SHROOM3: variants seen among roughly 807,000 people sequenced by gnomAD.
SHROOM3 encodes the protein shroom family member 3.
In SHROOM3, 47 loss-of-function variants were observed where a neutral mutation model predicts 138.6. That is an observed-to-expected ratio of 0.34 (90% CI 0.27 to 0.43). SHROOM3 has a LOEUF of 0.43. Ranked by LOEUF, SHROOM3 falls within the 20% of genes least tolerant of loss-of-function variation. The probability of loss-of-function intolerance (pLI) is 1.00; values close to 1 mark genes in which losing one functional copy is unlikely to be tolerated. For missense variants in SHROOM3, 2,491 were observed against 2,596.5 expected (o/e 0.96, Z 0.88); for synonymous variants, 1,062 against 1,063.3 (o/e 1.00, Z 0.02).
chr4:76,742,752 C>G (rs140576971), intron 5 of SHROOM3, among the ~76,000 whole-genome samples: 1 of 152,272 alleles, frequency 6.6e-6, no homozygotes, highest in African/African-American at 2.4e-5. Context: ...CACTGTAGAC[C>G]AGGGGCCTGC....
intron 2 of SHROOM3, chr4:76,688,721 G>A (rs1488650890): frequency 2.0e-6 from 2 of 985,198 alleles, no homozygotes; most frequent in Non-Finnish European, 2.4e-6. Context: ...AAATGCAAAT[G>A]GATATATTTT....
intron 2 of SHROOM3, among the ~76,000 whole-genome samples, chr4:76,639,062 C>T (rs941012183): frequency 1.3e-5 from 2 of 152,156 alleles, no homozygotes; most frequent in African/African-American, 4.8e-5. Flanking sequence ...GAGAGAATCG[C>T]TATCCCCCAG....
chr4:76,514,359 G>A (rs11737860), intron 1 of SHROOM3, among the ~76,000 whole-genome samples: 44,237 of 152,060 alleles, frequency 0.29, 7,229 homozygotes, highest in African/African-American at 0.43. Flanking sequence ...GCAATGTGGA[G>A]AAACCTTAAA....
chr4:76,709,501 A>T lies in SHROOM3; in HGVS notation c.324-655A>T, dbSNP rs374588756. On this transcript the variant is annotated intron_variant, in intron 2 of 10. Coordinates refer to ENST00000296043, the MANE Select transcript of SHROOM3 (RefSeq NM_020859.4). The stretch of plus-strand genomic sequence containing the variant: ...AACACATTGGCCATGTAGGGCTTAA[A>T]ATTTTTCTCTGACTCCCTGGGAGTA... Among the ~76,000 whole-genome samples, 48 of 152,090 alleles carry T rather than the reference A, an allele frequency of 3.2e-4. 1 individual carries two copies. The highest frequency in any genetic ancestry group is 2.1e-3 in the Admixed American group (32 of 15,270).
At chr4:76,588,822 C>T (rs371135515) in intron 2 of SHROOM3, among the ~76,000 whole-genome samples, 95 of 152,150 alleles carry the variant, frequency 6.2e-4, no homozygotes, top group African/African-American at 2.2e-3. Flanking sequence ...TAAAATGTCG[C>T]TGGTTAATAG....
At chr4:76,757,123 C>A in intron 8 of SHROOM3, 186 bp downstream of exon 8, 1 of 757,304 alleles carries the variant, frequency 1.3e-6, no homozygotes, top group Non-Finnish European at 2.1e-6. Flanking sequence ...TATGCAACAA[C>A]AAAGAAAGTA....
rs148385187 is a variant in SHROOM3 at position 76,618,765 on chromosome 4, T to A, written c.323+63002T>A. 4.3e-3 allele frequency among the ~76,000 whole-genome samples: 651 copies of A among 152,374 alleles called. 1 individual carries two copies. Among genetic ancestry groups the A allele is most frequent in the Non-Finnish European group, 6.8e-3 (461 of 68,042 alleles). ...TTTAACATTGATGTAATACTTTATTTTCTGAATTTCTGTTTTGTTAGTTGA... is the reference window on the plus strand; with the variant it reads ...TTTAACATTGATGTAATACTTTATTATCTGAATTTCTGTTTTGTTAGTTGA... On this transcript the variant is annotated intron_variant, in intron 2 of 10. Transcript: ENST00000296043.
chr4:76,740,941 C>T lies in SHROOM3; in HGVS notation c.2768C>T (p.Ala923Val), dbSNP rs765000504. 3 of 1,496,424 alleles carry T rather than the reference C, an allele frequency of 2.0e-6. No homozygotes were observed. Among genetic ancestry groups the T allele is most frequent in the Middle Eastern group, 1.8e-4 (1 of 5,626 alleles). 92.7% of individuals were successfully genotyped at this position (1,496,424 alleles called of 1,614,324 possible). A position where few individuals can be genotyped will look rare whatever the true frequency, so the allele number is the denominator to read the frequency against. Residue 923 changes from alanine to valine, a missense_variant, in exon 5 of 11, where the codon GCC becomes GTC. Coordinates refer to ENST00000296043, the MANE Select transcript of SHROOM3 (RefSeq NM_020859.4). The surrounding 1 kb of genome is among the most constrained non-coding windows in gnomAD (Gnocchi z 4.0). ...SPLLDAPFSRAYRNSIKDAQS... is the reference protein window; with the variant it reads ...SPLLDAPFSRVYRNSIKDAQS... ...CTGCTGGATGCCCCCTTCAGCCGCG[C>T]CTACCGGAACAGCATCAAGGACGCA...
intron 2 of SHROOM3, among the ~76,000 whole-genome samples, chr4:76,608,649 A>ACAGAGATG (rs1734686943): frequency 4.6e-5 from 1 of 21,644 alleles, no homozygotes; most frequent in African/African-American, 7.0e-5. Context: ...AGCATAGCAT[A>ACAGAGATG]GCATAGCATA....
chr4:76,735,797 G>A (rs1250051131), intron 4 of SHROOM3, among the ~76,000 whole-genome samples: 11 of 134,298 alleles, frequency 8.2e-5, no homozygotes, highest in South Asian at 2.7e-4. Context: ...CCGAGATTGC[G>A]CCACTGCACT....
In SHROOM3 at chr4:76,549,662, C is replaced by A. The variant is rs182431788; in HGVS notation, c.169-5947C>A. On this transcript the variant is annotated intron_variant, in intron 1 of 10. Transcript: ENST00000296043. ...GATTATAGGTGTGAGCCACTGCGCC[C>A]GGCAGTGGCTTCAACTTTCTTGGCA... Among the ~76,000 whole-genome samples the A allele has an allele frequency of 8.0e-4, 121 of 152,116 alleles. No individual in the cohort carries two copies. The East Asian group carries it at 8.3e-3, about 10-fold the overall frequency.
At chr4:76,775,190 A>T (rs183046132) in intron 10 of SHROOM3, among the ~76,000 whole-genome samples, 1 of 152,206 alleles carries the variant, frequency 6.6e-6, no homozygotes, top group East Asian at 1.9e-4. Context: ...ATCCACTTAA[A>T]ACTGAGAACA....
intron 1 of SHROOM3, among the ~76,000 whole-genome samples, chr4:76,530,814 T>C (rs1238273355): frequency 3.3e-5 from 5 of 152,158 alleles, no homozygotes; most frequent in African/African-American, 9.7e-5. Context: ...TGTGCCTCCA[T>C]CCTGTGGCTG....
intron 2 of SHROOM3, among the ~76,000 whole-genome samples, chr4:76,558,720 A>G (rs879382913): frequency 6.6e-6 from 1 of 152,262 alleles, no homozygotes; most frequent in Admixed American, 6.5e-5. Context: ...AGTATGCCAT[A>G]TGGACCAAAA....
intron 2 of SHROOM3, among the ~76,000 whole-genome samples, chr4:76,583,172 C>T (rs571613112): frequency 1.3e-5 from 2 of 152,210 alleles, no homozygotes; most frequent in Non-Finnish European, 2.9e-5. Context: ...GGATGGTCTT[C>T]CTTCTAAATG....
At chr4:76,502,923 C>T (rs1349617687) in intron 1 of SHROOM3, among the ~76,000 whole-genome samples, 1 of 152,110 alleles carries the variant, frequency 6.6e-6, no homozygotes, top group East Asian at 1.9e-4. Context: ...ACTGCAATGT[C>T]ATACTTTTCA....
intron 10 of SHROOM3, among the ~76,000 whole-genome samples, chr4:76,778,291 G>A (rs940697003): frequency 6.7e-6 from 1 of 150,248 alleles, no homozygotes; most frequent in Admixed American, 6.7e-5. Context: ...GGCACATCTC[G>A]GCTCACTGCA....
chr4:76,697,290 A>T (rs1719769005), intron 2 of SHROOM3, among the ~76,000 whole-genome samples: 1 of 151,844 alleles, frequency 6.6e-6, no homozygotes, highest in East Asian at 1.9e-4. Flanking sequence ...ATTCCTTCTC[A>T]TTTAGAGTCT....
chr4:76,715,421 A>G (rs943805379), intron 3 of SHROOM3, among the ~76,000 whole-genome samples: 6 of 152,144 alleles, frequency 3.9e-5, no homozygotes, highest in Non-Finnish European at 7.3e-5. Flanking sequence ...TTATCTATCA[A>G]CAGGAATTCT....
Sources: gnomAD v4.1 joint callset for allele counts (sites outside exome capture counted in the v4.1 genomes callset) on GRCh38, gnomAD v4.1.1 for gene constraint, Gnocchi (gnomAD v3.1) non-coding constraint, MANE v1.5 for transcripts, NCBI Gene and HGNC (gene_info 2026-07-23, HGNC 2026-07-21) for gene names.